The following ATG14 variants were observed in gnomAD, a reference collection of about 807,000 sequenced individuals.
ATG14 encodes the protein autophagy related 14.
In ATG14, 35 loss-of-function variants were observed where a neutral mutation model predicts 60.4. The ratio of observed to expected loss-of-function variants is 0.58; its 90% confidence interval spans 0.44 to 0.77. The LOEUF (loss-of-function observed/expected upper bound fraction) is 0.77. Among genes scored for constraint, ATG14 ranks in the 30% least tolerant of loss-of-function variants. The pLI, the probability that ATG14 is intolerant of heterozygous loss-of-function variation, is 0.00. For missense variants in ATG14, 647 were observed against 626.3 expected (o/e 1.03, Z -0.35); for synonymous variants, 234 against 228.8 (o/e 1.02, Z -0.21).
intron 7 of ATG14, 104 bp downstream of exon 7, chr14:55,380,469 G>A: frequency 1.4e-6 from 1 of 738,596 alleles, no homozygotes; most frequent in Non-Finnish European, 2.3e-6. Flanking sequence ...CTCTGTCTTG[G>A]TAATACTTAC....
intron 1 of ATG14, among the ~76,000 whole-genome samples, chr14:55,411,015 C>G (rs992609509): frequency 6.6e-6 from 1 of 152,116 alleles, no homozygotes; most frequent in Non-Finnish European, 1.5e-5. Context: ...TAAAACAAGG[C>G]CAAAACACGT....
At chr14:55,404,545 G>T (rs1204280837) in intron 1 of ATG14, among the ~76,000 whole-genome samples, 72 of 152,236 alleles carry the variant, frequency 4.7e-4, no homozygotes, top group Admixed American at 4.7e-3. Flanking sequence ...GTCTTTTGGT[G>T]TTCAAAAGAG....
At chr14:55,371,578 G>A (rs1406813637) in intron 9 of ATG14, among the ~76,000 whole-genome samples, 3 of 151,788 alleles carry the variant, frequency 2.0e-5, no homozygotes, top group Non-Finnish European at 2.9e-5. Flanking sequence ...AGGCTGCGGC[G>A]GGCAGATCAC....
intron 9 of ATG14, among the ~76,000 whole-genome samples, chr14:55,371,464 AC>A (rs1204094094): frequency 1.8e-4 from 28 of 152,176 alleles, no homozygotes. Context: ...ATTGGAAGAT[AC>A]GCCATGGGGT....
chr14:55,382,459 GTACC>G (rs1378069170), intron 5 of ATG14, among the ~76,000 whole-genome samples: 8 of 152,100 alleles, frequency 5.3e-5, no homozygotes, highest in African/African-American at 1.9e-4. Context: ...GGGACTACAG[GTACC>G]TACCTACCAC....
At chr14:55,380,948 T>C (rs992230380) in intron 6 of ATG14, among the ~76,000 whole-genome samples, 30 of 147,010 alleles carry the variant, frequency 2.0e-4, no homozygotes, top group African/African-American at 7.6e-4. Context: ...ATAAATGAAA[T>C]TAAAGTCTGA....
rs1277166132 is a variant in ATG14, at chr14:55,385,996, G to A, written c.510C>T (p.Arg170=). 1.9e-6 allele frequency: 3 copies of A among 1,614,096 alleles called. No homozygotes were observed. The highest frequency in any genetic ancestry group is 2.5e-6 in the Non-Finnish European group (3 of 1,180,022). Residue 170 remains arginine, a synonymous_variant, in exon 5 of 10, where the codon CGC becomes CGT. Coordinates refer to ENST00000247178, the MANE Select transcript of ATG14 (RefSeq NM_014924.5). ...TTTTTTCTACCAGGTCACCAAGTTT[G>A]CGATTATGCCTCTGAATCTTCTCCT... ...EKKEKIQRHN[R]KLGDLVEKKT... is the part of the protein sequence containing the mutation.
chr14:55,374,068 G>A (rs114602895), intron 9 of ATG14, among the ~76,000 whole-genome samples: 154 of 152,288 alleles, frequency 1.0e-3, no homozygotes, highest in African/African-American at 3.6e-3. Context: ...CTTCAGACCC[G>A]CTACAAAAAT....
chr14:55,368,777 A>G lies in ATG14; in HGVS notation c.*842T>C, dbSNP rs1884743043. 6.6e-6 allele frequency: 1 copy of G among 152,236 alleles called. No individual in the cohort carries two copies. The highest frequency in any genetic ancestry group is 6.5e-5 in the Admixed American group (1 of 15,290). The allele number at this position is 152,236 out of a possible 1,614,324, so 9.4% of individuals were successfully genotyped here. A position where few individuals can be genotyped will look rare whatever the true frequency, so the allele number is the denominator to read the frequency against. ...GTGCCCAGGCAGGCATTGAGCTTACATAAGGGAATGACCTTCATGACTTAT... is the reference window on the plus strand; with the variant it reads ...GTGCCCAGGCAGGCATTGAGCTTACGTAAGGGAATGACCTTCATGACTTAT... On this transcript the variant is annotated 3_prime_UTR_variant, in exon 10 of 10. Transcript: ENST00000247178.
At chr14:55,381,139 T>C (rs754302129) in intron 6 of ATG14, among the ~76,000 whole-genome samples, 28 of 152,072 alleles carry the variant, frequency 1.8e-4, no homozygotes, top group Non-Finnish European at 5.9e-5. Context: ...AGCATCTCGA[T>C]CATTTACTTG....
rs776105703 is a variant in ATG14, at chr14:55,411,653, T to C, written c.170A>G (p.Lys57Arg). 3 of 1,613,350 alleles carry C rather than the reference T, an allele frequency of 1.9e-6. No individual in the cohort carries two copies. The highest frequency in any genetic ancestry group is 1.7e-6 in the Non-Finnish European group (2 of 1,179,924). The stretch of plus-strand genomic sequence containing the variant: ...GACGAAATCGCCGCTCTGAACGCAT[T>C]TGGCGCAGGTCAGCCGCCGGCGGGT... Reference protein sequence around the residue: ...NTTRRRLTCAKCVQSGDFVYF... With the variant: ...NTTRRRLTCARCVQSGDFVYF... Residue 57 changes from lysine to arginine, a missense_variant, in exon 1 of 10, where the codon AAA becomes AGA. Physicochemically the swap from Lys to Arg is conservative, Grantham distance 26. Coordinates refer to ENST00000247178, the MANE Select transcript of ATG14 (RefSeq NM_014924.5).
intron 4 of ATG14, among the ~76,000 whole-genome samples, chr14:55,388,226 A>G (rs1245271765): frequency 6.6e-6 from 1 of 152,100 alleles, no homozygotes; most frequent in Non-Finnish European, 1.5e-5. Flanking sequence ...ATGCTAACTT[A>G]TTTTCATTAT....
Position 55,368,561 on chromosome 14 carries a change from C to A in ATG14, c.*1058G>T, listed in dbSNP as rs1057408530. ...ATATTGTGCTTTCCCCAGAACAGAGCAGAGTAGCATCAGCCGTAAGGATCT... is the reference window on the plus strand; with the variant it reads ...ATATTGTGCTTTCCCCAGAACAGAGAAGAGTAGCATCAGCCGTAAGGATCT... On this transcript the variant is annotated 3_prime_UTR_variant, in exon 10 of 10. Coordinates refer to ENST00000247178, the MANE Select transcript of ATG14 (RefSeq NM_014924.5). 1 of 152,234 alleles carries A rather than the reference C, an allele frequency of 6.6e-6. No homozygotes were observed. The highest frequency in any genetic ancestry group is 1.5e-5 in the Non-Finnish European group (1 of 68,084). The allele number at this position is 152,234 out of a possible 1,614,324, so 9.4% of individuals were successfully genotyped here.
chr14:55,377,920 G>C lies in ATG14; in HGVS notation c.1087-16C>G. ...AATTTACATGCTAAAAAAAATTAAA[G>C]AATTGGTTAATATTTTCAACTATTT... On this transcript the variant is annotated splice_polypyrimidine_tract_variant and intron_variant, in intron 8 of 9. Transcript: ENST00000247178. The C allele has an allele frequency of 6.3e-7, 1 of 1,595,188 alleles. No individual in the cohort carries two copies. Among genetic ancestry groups the C allele is most frequent in the Non-Finnish European group, 8.5e-7 (1 of 1,171,950 alleles).
At chr14:55,402,392 A>G (rs1225470286) in intron 1 of ATG14, among the ~76,000 whole-genome samples, 1 of 152,164 alleles carries the variant, frequency 6.6e-6, no homozygotes, top group African/African-American at 2.4e-5. Context: ...AAAATATTCG[A>G]CCTTTTGATT....
intron 4 of ATG14, among the ~76,000 whole-genome samples, chr14:55,386,452 GA>G (rs1197940122): frequency 6.6e-6 from 1 of 152,202 alleles, no homozygotes; most frequent in African/African-American, 2.4e-5. Flanking sequence ...ATTCAAGTTT[GA>G]AAAACTTACT....
At chr14:55,411,462 G>T in intron 1 of ATG14, 140 bp downstream of exon 1, 1 of 844,514 alleles carries the variant, frequency 1.2e-6, no homozygotes, top group Non-Finnish European at 1.8e-6. Flanking sequence ...CCGGTGCAGA[G>T]CAGCTAGCTA....
At chr14:55,390,071 CCTTAA>C (rs1481501217) in intron 4 of ATG14, among the ~76,000 whole-genome samples, 9 of 152,172 alleles carry the variant, frequency 5.9e-5, no homozygotes, top group Admixed American at 5.9e-4. Context: ...AACATACATT[CCTTAA>C]CTTTTTTTTT....
At chr14:55,399,985 G>C (rs1457108050) in intron 1 of ATG14, among the ~76,000 whole-genome samples, 2 of 152,210 alleles carry the variant, frequency 1.3e-5, no homozygotes, top group African/African-American at 4.8e-5. Flanking sequence ...ATAAGTCCTA[G>C]TGTATCAAAT....
Sources: allele counts gnomAD v4.1 joint callset (sites outside exome capture counted in the v4.1 genomes callset), GRCh38; gene constraint gnomAD v4.1.1; transcripts MANE v1.5; gene names NCBI Gene and HGNC (gene_info 2026-07-23, HGNC 2026-07-21).